PLD1: variants seen among roughly 807,000 people sequenced by gnomAD.
PLD1 encodes phospholipase D1.
A neutral mutation model predicts 137.1 loss-of-function variants in PLD1; 112 were observed. The observed-to-expected ratio is 0.82, with a 90% CI of 0.70 to 0.96. The LOEUF (loss-of-function observed/expected upper bound fraction) is 0.96, where lower values mean the gene tolerates loss of function less well. PLD1 is among the 40% of genes least tolerant of loss of function. The probability of loss-of-function intolerance (pLI) is 0.00; values close to 1 mark genes in which losing one functional copy is unlikely to be tolerated. For synonymous variants in PLD1, 431 were observed against 454.7 expected (o/e 0.95, Z 0.66); for missense variants, 1,321 against 1,342.0 (o/e 0.98, Z 0.24).
At chr3:171,651,251 T>C (rs1395679565) in intron 21 of PLD1, among the ~76,000 whole-genome samples, 1 of 152,230 alleles carries the variant, frequency 6.6e-6, no homozygotes, top group Non-Finnish European at 1.5e-5. Context: ...AGAGCTGCTA[T>C]AAATCGTCTC....
rs369143193 is a variant in PLD1 at position 171,805,931 on chromosome 3, G to A, written c.-32+4468C>T. 5.9e-5 allele frequency among the ~76,000 whole-genome samples: 9 copies of A among 152,272 alleles called. No individual in the cohort carries two copies. The South Asian group carries it at 6.2e-4, about 11-fold the overall frequency. On this transcript the variant is annotated intron_variant, in intron 1 of 26. Coordinates refer to ENST00000351298, the MANE Select transcript of PLD1 (RefSeq NM_002662.5). ...GGCTCATGCCTGTGAATCCCAGCACGTTTGGAAGCCAAGGTAGGAGGACCA... is the reference window on the plus strand; with the variant it reads ...GGCTCATGCCTGTGAATCCCAGCACATTTGGAAGCCAAGGTAGGAGGACCA...
At chr3:171,654,318 A>AG in intron 21 of PLD1, 1 of 318,382 alleles carries the variant, frequency 3.1e-6, no homozygotes, top group African/African-American at 2.3e-5. Flanking sequence ...AAAAAAAAAA[A>AG]AAGAACATGG....
rs776999766 is a variant in PLD1 at position 171,709,611 on chromosome 3, T to C, written c.1010A>G (p.Asp337Gly). ...AGCAGCATATGACCCAAATCGATGA[T>C]CTTTGAGAAAGTTGGTGCCATGTTT... ...IQKHGTNFLK[D>G]HRFGSYAAIQ... The change falls in exon 10 of 27, where the codon GAT (aspartate) becomes GGT (glycine). Residue 337 changes from aspartate to glycine, a missense_variant. Asp to Gly is a moderately conservative substitution (Grantham distance 94). Coordinates refer to ENST00000351298, the MANE Select transcript of PLD1 (RefSeq NM_002662.5). 1.2e-6 allele frequency: 2 copies of C among 1,614,068 alleles called. No homozygotes were observed. The highest frequency in any genetic ancestry group is 1.7e-6 in the Non-Finnish European group (2 of 1,179,922).
intron 23 of PLD1, among the ~76,000 whole-genome samples, chr3:171,639,842 C>CTATA (rs1183896689): frequency 2.5e-4 from 30 of 118,198 alleles, no homozygotes; most frequent in African/African-American, 6.9e-4. Flanking sequence ...CTCTCTCTCT[C>CTATA]TCTCTCTATA....
chr3:171,674,796 G>A (rs1199585622), intron 18 of PLD1, among the ~76,000 whole-genome samples, 183 bp from the exon 19 acceptor site: 7 of 151,776 alleles, frequency 4.6e-5, no homozygotes, highest in African/African-American at 9.7e-5. Context: ...TGGCCAACAC[G>A]GTGAAACCCC....
At chr3:171,634,210 T>C (rs9852475) in intron 23 of PLD1, among the ~76,000 whole-genome samples, 34 of 152,264 alleles carry the variant, frequency 2.2e-4, no homozygotes, top group East Asian at 1.5e-3. Context: ...AGGCTTAGCA[T>C]TGAAATTAAT....
At chr3:171,692,299 A>G in intron 13 of PLD1, 33 bp downstream of exon 13, 1 of 1,005,114 alleles carries the variant, frequency 9.9e-7, no homozygotes, top group South Asian at 1.3e-5. Flanking sequence ...AGAATAATAA[A>G]GAAACATTGG....
intron 8 of PLD1, among the ~76,000 whole-genome samples, chr3:171,714,931 C>T (rs1010946236): frequency 1.3e-5 from 2 of 152,124 alleles, no homozygotes; most frequent in African/African-American, 4.8e-5. Context: ...AGAGATGACA[C>T]ACTCATGTGG....
intron 1 of PLD1, among the ~76,000 whole-genome samples, chr3:171,763,014 A>ATAAATGATACTATTTATAAG (rs1721515180): frequency 6.6e-6 from 1 of 152,198 alleles, no homozygotes; most frequent in Non-Finnish European, 1.5e-5. Flanking sequence ...GTAAGTGCTT[A>ATAAATGATACTATTTATAAG]TGATACATAT....
At chr3:171,804,115 C>G (rs1369932485) in intron 1 of PLD1, among the ~76,000 whole-genome samples, 2 of 152,154 alleles carry the variant, frequency 1.3e-5, no homozygotes, top group East Asian at 3.9e-4. Flanking sequence ...AAATTTCTCA[C>G]TTTTGGGTCT....
At position 171,709,656 on chromosome 3, in the gene PLD1, G is replaced by A; in HGVS notation, c.965C>T (p.Ala322Val). 6.2e-7 allele frequency: 1 copy of A among 1,613,778 alleles called. No individual in the cohort carries two copies. The highest frequency in any genetic ancestry group is 8.5e-7 in the Non-Finnish European group (1 of 1,179,776). The change falls in exon 10 of 27, where the codon GCT becomes GTT. Residue 322 changes from alanine to valine, a missense_variant. By Grantham distance (64) the Ala-to-Val change is moderately conservative. Coordinates refer to ENST00000351298, the MANE Select transcript of PLD1 (RefSeq NM_002662.5). Reference protein sequence around the residue: ...SYRHARWWGGAIEEFIQKHGT... With the variant: ...SYRHARWWGGVIEEFIQKHGT... The stretch of plus-strand genomic sequence containing the variant: ...ATGTTTCTGGATGAATTCTTCTATA[G>A]CCCCTCCCCACCACCGAGCATGTCT...
At chr3:171,795,692 T>C (rs1298890045) in intron 1 of PLD1, among the ~76,000 whole-genome samples, 1 of 152,192 alleles carries the variant, frequency 6.6e-6, no homozygotes, top group East Asian at 1.9e-4. Context: ...AGAACACACA[T>C]ACTCTTACCC....
intron 1 of PLD1, among the ~76,000 whole-genome samples, chr3:171,786,016 C>T (rs879677038): frequency 3.9e-5 from 6 of 152,198 alleles, no homozygotes; most frequent in Admixed American, 2.6e-4. Flanking sequence ...CTTTCCTTCA[C>T]ATGCAGTAGG....
At chr3:171,792,766 CT>C in intron 1 of PLD1, 1 of 451,194 alleles carries the variant, frequency 2.2e-6, no homozygotes, top group African/African-American at 2.0e-5. Flanking sequence ...GAGCCCCACC[CT>C]CCCCCCAGAT....
chr3:171,703,086 C>T (rs1051920388), intron 11 of PLD1, among the ~76,000 whole-genome samples: 2 of 151,360 alleles, frequency 1.3e-5, no homozygotes, highest in African/African-American at 2.4e-5. Flanking sequence ...ACAGTAACAA[C>T]AAAAAGGAGA....
rs141125847 is a variant in PLD1 at position 171,676,723 on chromosome 3, A to G, written c.2107T>C (p.Phe703Leu). The G allele has an allele frequency of 3.7e-6, 6 of 1,612,416 alleles. No individual in the cohort carries two copies. The highest frequency in any genetic ancestry group is 5.1e-6 in the Non-Finnish European group (6 of 1,178,590). ...VARHFIQRWN[F>L]TKIMKSKYRS... ...TAGCAACATCCAAGTACTTTTGTGA[A>G]GTTCCAGCGCTGGATGAAGTGACGT... Residue 703 changes from phenylalanine (F) to leucine (L), a missense_variant, in exon 18 of 27, where the codon TTC (phenylalanine) becomes CTC (leucine). Transcript: ENST00000351298.
At chr3:171,785,233 TA>T (rs1332691337) in intron 1 of PLD1, among the ~76,000 whole-genome samples, 1 of 152,238 alleles carries the variant, frequency 6.6e-6, no homozygotes, top group Non-Finnish European at 1.5e-5. Flanking sequence ...TCCGACCGAA[TA>T]CGGTATGAGT....
chr3:171,764,919 A>AG lies in PLD1; in HGVS notation c.-31-26838dup, dbSNP rs1560289019. Among the ~76,000 whole-genome samples the AG allele has an allele frequency of 6.0e-4, 19 of 31,644 alleles. 3 individuals are homozygous for AG. The highest frequency in any genetic ancestry group is 5.0e-3 in the Admixed American group (13 of 2,602). The allele number at this position is 31,644 out of a possible 152,430, so 20.8% of individuals were successfully genotyped here. A position where few individuals can be genotyped will look rare whatever the true frequency, so the allele number is the denominator to read the frequency against. On this transcript the variant is annotated intron_variant, in intron 1 of 26. Coordinates refer to ENST00000351298, the MANE Select transcript of PLD1 (RefSeq NM_002662.5). ...AGGAAGGAAGGAAGGAAGGAAAGAA[A>AG]GAAAGGAAAGAAAGGAAAGAAAGAA...
At chr3:171,740,050 C>G (rs1411654358) in intron 1 of PLD1, among the ~76,000 whole-genome samples, 1 of 152,160 alleles carries the variant, frequency 6.6e-6, no homozygotes, top group African/African-American at 2.4e-5. Flanking sequence ...TTTGTTTCCT[C>G]TCTATAAATT....
Sources: allele counts gnomAD v4.1 joint callset (sites outside exome capture counted in the v4.1 genomes callset), GRCh38; gene constraint gnomAD v4.1.1; transcripts MANE v1.5; gene names NCBI Gene and HGNC (gene_info 2026-07-23, HGNC 2026-07-21).